SUPT3H: variants seen among roughly 807,000 people sequenced by gnomAD.
The protein encoded by SUPT3H is transcription initiation protein SPT3 homolog.
SUPT3H carries 44 observed loss-of-function variants against 44.3 expected under a neutral mutation model. The observed-to-expected ratio is 0.99, with a 90% confidence interval of 0.78 to 1.28. SUPT3H has a LOEUF of 1.28. Among genes scored for constraint, SUPT3H ranks in the 50% most tolerant of loss-of-function variants. SUPT3H has a pLI of 0.00. For synonymous variants in SUPT3H, 124 were observed against 125.6 expected (o/e 0.99, Z 0.09); for missense variants, 380 against 387.1 (o/e 0.98, Z 0.15).
intron 2 of SUPT3H, chr6:45,328,352 G>A (rs772269517): frequency 7.2e-7 from 1 of 1,380,232 alleles, no homozygotes; most frequent in Non-Finnish European, 9.7e-7. Flanking sequence ...AACAACCACA[G>A]AACCACAAGT....
chr6:45,060,428 C>T (rs1284873770), intron 3 of SUPT3H, among the ~76,000 whole-genome samples: 4 of 152,056 alleles, frequency 2.6e-5, no homozygotes, highest in Admixed American at 6.6e-5. Flanking sequence ...CCTTCCCTTA[C>T]ACCTTATATA....
In SUPT3H at chr6:45,064,925, C is replaced by T. The variant is rs920812546; in HGVS notation, c.186+40997G>A. On this transcript the variant is annotated intron_variant, in intron 3 of 10. Transcript: ENST00000371459. ...ACGAGACAGAAAGTCAACAAGGATA[C>T]CCAGGAATTGAACTCAGCTCTGCAC... 2.0e-5 allele frequency among the ~76,000 whole-genome samples: 3 copies of T among 147,652 alleles called. 1 individual carries two copies. The highest frequency in any genetic ancestry group is 4.5e-5 in the Non-Finnish European group (3 of 66,558).
intron 2 of SUPT3H, among the ~76,000 whole-genome samples, chr6:45,140,098 T>C (rs1201265460): frequency 6.6e-6 from 1 of 151,900 alleles, no homozygotes; most frequent in African/African-American, 2.4e-5. Flanking sequence ...CTACTGATTA[T>C]CCCCCACTTC....
intron 10 of SUPT3H, among the ~76,000 whole-genome samples, chr6:44,904,738 T>C (rs866381392): frequency 7.9e-5 from 12 of 152,142 alleles, no homozygotes; most frequent in African/African-American, 2.6e-4. Context: ...AAGAACAAAG[T>C]TGGAGGCATC....
chr6:45,255,764 T>C (rs1353811172), intron 2 of SUPT3H, among the ~76,000 whole-genome samples: 1 of 152,176 alleles, frequency 6.6e-6, no homozygotes, highest in African/African-American at 2.4e-5. Context: ...AACAGCTTTA[T>C]TGAGACATAA....
rs1022283185 is a variant in SUPT3H at position 44,889,263 on chromosome 6, CTACTT to C, written c.912+43385_912+43389del. Among the ~76,000 whole-genome samples, 90 of 152,280 alleles carry C rather than the reference CTACTT, an allele frequency of 5.9e-4. 1 individual carries two copies. Among genetic ancestry groups the C allele is most frequent in the African/African-American group, 1.8e-3 (74 of 41,552 alleles). ...ACTTTCTTCACAGAATTGGAAAACA[CTACTT>C]TAAAGTTCATATGGAACCAAAACAG... On this transcript the variant is annotated intron_variant, in intron 10 of 10. Coordinates refer to ENST00000371459, the MANE Select transcript of SUPT3H (RefSeq NM_003599.4).
chr6:45,285,262 G>A (rs1363416303), intron 2 of SUPT3H, among the ~76,000 whole-genome samples: 1 of 151,858 alleles, frequency 6.6e-6, no homozygotes, highest in Non-Finnish European at 1.5e-5. Context: ...GCAGGAGAAG[G>A]AAATAAAGGG....
chr6:45,175,975 T>A (rs1811727342), intron 2 of SUPT3H, among the ~76,000 whole-genome samples: 1 of 151,834 alleles, frequency 6.6e-6, no homozygotes, highest in Non-Finnish European at 1.5e-5. Context: ...ATCTCCAATA[T>A]AACTGAATTT....
chr6:45,183,603 C>T (rs1813663375), intron 2 of SUPT3H, among the ~76,000 whole-genome samples: 1 of 152,166 alleles, frequency 6.6e-6, no homozygotes, highest in Admixed American at 6.5e-5. Context: ...TGGTACCAAG[C>T]CATTCAGGAG....
At chr6:45,303,359 G>T (rs757447954) in intron 2 of SUPT3H, among the ~76,000 whole-genome samples, 2 of 152,030 alleles carry the variant, frequency 1.3e-5, no homozygotes, top group Non-Finnish European at 2.9e-5. Flanking sequence ...GAAAATCTTC[G>T]CAAGCTATAC....
At chr6:45,226,073 G>A (rs955576877) in intron 2 of SUPT3H, among the ~76,000 whole-genome samples, 13 of 152,128 alleles carry the variant, frequency 8.5e-5, no homozygotes. Context: ...ATTATATTAA[G>A]CACTTACAAT....
At chr6:45,108,091 T>C (rs1799525263) in intron 2 of SUPT3H, among the ~76,000 whole-genome samples, 2 of 152,196 alleles carry the variant, frequency 1.3e-5, no homozygotes, top group Non-Finnish European at 2.9e-5. Context: ...TAAAAACTTT[T>C]CCCCTAAGAT....
chr6:45,210,451 C>A (rs750400969), intron 2 of SUPT3H, among the ~76,000 whole-genome samples: 3 of 152,192 alleles, frequency 2.0e-5, no homozygotes, highest in Non-Finnish European at 4.4e-5. Flanking sequence ...CAGTAAAAGG[C>A]TAAGAGGCTC....
At chr6:45,191,954 T>A (rs1815215289) in intron 2 of SUPT3H, among the ~76,000 whole-genome samples, 1 of 152,120 alleles carries the variant, frequency 6.6e-6, no homozygotes, top group Non-Finnish European at 1.5e-5. Flanking sequence ...TTATACCCAA[T>A]ACAAGTCTTC....
At chr6:45,110,644 C>A (rs1005385813) in intron 2 of SUPT3H, among the ~76,000 whole-genome samples, 1 of 152,034 alleles carries the variant, frequency 6.6e-6, no homozygotes, top group Non-Finnish European at 1.5e-5. Context: ...CATGTGACAT[C>A]TTTGGTTAGT....
chr6:45,161,356 C>T (rs973495788), intron 2 of SUPT3H, among the ~76,000 whole-genome samples: 1 of 152,130 alleles, frequency 6.6e-6, no homozygotes, highest in African/African-American at 2.4e-5. Flanking sequence ...GAATAGTTCA[C>T]AGCCACATTA....
At chr6:45,145,387 C>T (rs537575768) in intron 2 of SUPT3H, among the ~76,000 whole-genome samples, 10 of 151,982 alleles carry the variant, frequency 6.6e-5, no homozygotes, top group East Asian at 1.9e-4. Flanking sequence ...AACTGATCTT[C>T]GACAATACAA....
intron 2 of SUPT3H, among the ~76,000 whole-genome samples, chr6:45,223,458 A>AC (rs1442916633): frequency 6.6e-6 from 1 of 152,054 alleles, no homozygotes; most frequent in Non-Finnish European, 1.5e-5. Context: ...GGTGTGCCAT[A>AC]CTAAATTCGT....
At chr6:45,275,446 G>A (rs1776860095) in intron 2 of SUPT3H, among the ~76,000 whole-genome samples, 1 of 152,066 alleles carries the variant, frequency 6.6e-6, no homozygotes, top group African/African-American at 2.4e-5. Flanking sequence ...AAAATTATCT[G>A]TTACACATTG....
Sources: gnomAD v4.1 joint callset for allele counts (sites outside exome capture counted in the v4.1 genomes callset) on GRCh38, gnomAD v4.1.1 for gene constraint, MANE v1.5 for transcripts, NCBI Gene and HGNC (gene_info 2026-07-23, HGNC 2026-07-21) for gene names.